Variants in POU6F2 observed in about 807,000 individuals in gnomAD.
POU6F2 encodes POU class 6 homeobox 2, also known as POU domain, class 6, transcription factor 2.
POU6F2 carries 31 observed loss-of-function variants against 71.3 expected under a neutral mutation model. The observed-to-expected ratio is 0.43, with a 90% confidence interval of 0.33 to 0.59. POU6F2 has a LOEUF of 0.59. POU6F2 is among the 20% of genes least tolerant of loss of function. The pLI, the probability that POU6F2 is intolerant of heterozygous loss-of-function variation, is 0.04. For missense variants in POU6F2, 783 were observed against 856.8 expected, an observed-to-expected ratio of 0.91 and a Z score of 1.07; for synonymous variants, 347 against 355.7, an observed-to-expected ratio of 0.98 and a Z score of 0.27.
chr7:39,221,904 A>C (rs1484321474), intron 4 of POU6F2, among the ~76,000 whole-genome samples: 1 of 152,198 alleles, frequency 6.6e-6, no homozygotes, highest in Non-Finnish European at 1.5e-5. Flanking sequence ...AAAATAAAAA[A>C]CATTAAAACG....
intron 2 of POU6F2, among the ~76,000 whole-genome samples, chr7:39,133,040 G>A (rs544727432): frequency 3.4e-4 from 52 of 152,184 alleles, no homozygotes; most frequent in Non-Finnish European, 5.6e-4. Flanking sequence ...AGTCAATCCC[G>A]CTCATAAAAC....
At chr7:39,366,589 C>G (rs1442265855) in intron 5 of POU6F2, among the ~76,000 whole-genome samples, 1 of 152,164 alleles carries the variant, frequency 6.6e-6, no homozygotes, top group East Asian at 1.9e-4. Flanking sequence ...AAGATCCCCT[C>G]CTACCCAGGC....
chr7:39,015,648 GAT>G (rs1198470798), intron 1 of POU6F2, among the ~76,000 whole-genome samples: 1 of 73,784 alleles, frequency 1.4e-5, no homozygotes, highest in Non-Finnish European at 2.6e-5. Flanking sequence ...GTTATATATA[GAT>G]ATATATTATA....
At chr7:39,294,078 A>G (rs970441875) in intron 4 of POU6F2, among the ~76,000 whole-genome samples, 1 of 151,988 alleles carries the variant, frequency 6.6e-6, no homozygotes, top group Non-Finnish European at 1.5e-5. Flanking sequence ...TAACCAGTTA[A>G]GTTGATTAGT....
intron 5 of POU6F2, among the ~76,000 whole-genome samples, chr7:39,389,068 AT>A (rs1173989708): frequency 1.3e-5 from 2 of 152,212 alleles, no homozygotes; most frequent in Non-Finnish European, 2.9e-5. Flanking sequence ...ACAGAGAAAT[AT>A]ATCTGTATTG....
intron 2 of POU6F2, among the ~76,000 whole-genome samples, chr7:39,185,929 G>A (rs1167802503): frequency 6.7e-6 from 1 of 149,956 alleles, no homozygotes; most frequent in Non-Finnish European, 1.5e-5. Context: ...ATGTATATTT[G>A]AGATGGAGTT....
At chr7:39,327,087 G>A (rs1033735123) in intron 4 of POU6F2, among the ~76,000 whole-genome samples, 6 of 152,084 alleles carry the variant, frequency 3.9e-5, no homozygotes, top group Non-Finnish European at 5.9e-5. Context: ...AGACCATCCT[G>A]GCTAACACTG....
chr7:39,290,996 T>C (rs1277790005), intron 4 of POU6F2, among the ~76,000 whole-genome samples: 1 of 131,542 alleles, frequency 7.6e-6, no homozygotes, highest in African/African-American at 2.9e-5. Flanking sequence ...TGAACTAATA[T>C]TTAGAGGCAA....
rs535276895 is a variant in POU6F2 at position 39,371,210 on chromosome 7, C to T, written c.972+31195C>T. ...TTTTTTTTTTTTGAGACAAGAGTCT[C>T]GCTTTGTCACCCAGGCTGGAGTGCA... On this transcript the variant is annotated intron_variant, in intron 5 of 9. Transcript: ENST00000518318. Among the ~76,000 whole-genome samples the T allele has an allele frequency of 3.1e-4, 47 of 150,974 alleles. No homozygotes were observed. In the East Asian group the frequency reaches 6.0e-3, roughly 19 times the overall value.
At chr7:39,273,630 A>T (rs1285753645) in intron 4 of POU6F2, among the ~76,000 whole-genome samples, 1 of 152,088 alleles carries the variant, frequency 6.6e-6, no homozygotes, top group Non-Finnish European at 1.5e-5. Context: ...CACAAAGAGG[A>T]TGTCAATGGA....
chr7:39,085,149 C>T (rs1791211045), intron 1 of POU6F2: 2 of 152,048 alleles, frequency 1.3e-5, no homozygotes, highest in South Asian at 4.2e-4. Context: ...TTCCCAATTC[C>T]TTAAAAAAAA....
intron 2 of POU6F2, among the ~76,000 whole-genome samples, chr7:39,158,462 G>C (rs1040307376): frequency 1.3e-5 from 2 of 152,134 alleles, no homozygotes; most frequent in Non-Finnish European, 2.9e-5. Flanking sequence ...AGGGGGCTTG[G>C]ATCATATGAT....
intron 2 of POU6F2, among the ~76,000 whole-genome samples, chr7:39,190,046 A>G (rs1368852073): frequency 6.6e-6 from 1 of 151,992 alleles, no homozygotes; most frequent in African/African-American, 2.4e-5. Flanking sequence ...GGCATGTGCC[A>G]CCATGCCTGA....
intron 2 of POU6F2, among the ~76,000 whole-genome samples, chr7:39,108,650 A>G (rs184417008): frequency 9.5e-4 from 144 of 152,320 alleles, no homozygotes; most frequent in African/African-American, 3.3e-3. Context: ...CAGTGAATGC[A>G]TTCCCCAAGA....
intron 1 of POU6F2, among the ~76,000 whole-genome samples, chr7:38,982,416 A>G (rs1788344572): frequency 6.6e-6 from 1 of 152,112 alleles, no homozygotes; most frequent in African/African-American, 2.4e-5. Flanking sequence ...TGGTGCTAGT[A>G]TTCTTTTGGT....
chr7:39,079,828 C>G (rs1345576334), intron 1 of POU6F2, among the ~76,000 whole-genome samples: 1 of 152,046 alleles, frequency 6.6e-6, no homozygotes, highest in Non-Finnish European at 1.5e-5. Flanking sequence ...TACTGTGGAG[C>G]AATCAAAGGT....
At chr7:39,221,384 C>CTTTTTTTTTTT in intron 4 of POU6F2, among the ~76,000 whole-genome samples, 1 of 86,332 alleles carries the variant, frequency 1.2e-5, no homozygotes, top group Non-Finnish European at 2.1e-5. Context: ...CTCTCTCTCT[C>CTTTTTTTTTTT]TTTTTTTTTT....
intron 4 of POU6F2, among the ~76,000 whole-genome samples, chr7:39,277,178 C>T (rs962976726): frequency 6.6e-6 from 1 of 152,104 alleles, no homozygotes; most frequent in Non-Finnish European, 1.5e-5. Flanking sequence ...TAAAGGTAGA[C>T]AGGAAGTTCT....
In POU6F2 at chr7:39,385,819, C is replaced by T. The variant is rs74960466; in HGVS notation, c.973-20781C>T. 6.8e-3 allele frequency among the ~76,000 whole-genome samples: 1,036 copies of T among 152,278 alleles called. 14 individuals carry two copies. Among genetic ancestry groups the T allele is most frequent in the African/African-American group, 0.024 (981 of 41,546 alleles). The stretch of plus-strand genomic sequence containing the variant: ...TCTCATCCAGAGCTTTGCCCAAGGC[C>T]ATGCCCCTTTCTAGGGTGGCCTACA... On this transcript the variant is annotated intron_variant, in intron 5 of 9. Coordinates refer to ENST00000518318, the MANE Select transcript of POU6F2 (RefSeq NM_001370959.1).
Sources: gnomAD v4.1 joint callset for allele counts (sites outside exome capture counted in the v4.1 genomes callset) on GRCh38, gnomAD v4.1.1 for gene constraint, MANE v1.5 for transcripts, NCBI Gene and HGNC (gene_info 2026-07-23, HGNC 2026-07-21) for gene names.